Variants in RBSN observed in about 807,000 individuals in gnomAD.
The protein encoded by RBSN is rabenosyn, RAB effector.
In RBSN, 34 loss-of-function variants were observed where a neutral mutation model predicts 60.5. The observed-to-expected ratio is 0.56, with a 90% CI of 0.43 to 0.75. RBSN has a LOEUF of 0.75. RBSN is among the 30% of genes least tolerant of loss of function. The pLI is 0.00. For missense variants in RBSN, 845 were observed against 986.8 expected (o/e 0.86, Z 1.92); for synonymous variants, 322 against 366.9 (o/e 0.88, Z 1.40).
intron 5 of RBSN, among the ~76,000 whole-genome samples, chr3:15,089,602 G>T (rs1439776989): frequency 6.7e-6 from 1 of 150,098 alleles, no homozygotes; most frequent in Non-Finnish European, 1.5e-5. Context: ...TGGTTTTTAG[G>T]ATTTTCTTTT....
At chr3:15,089,478 CA>C (rs796324060) in intron 5 of RBSN, among the ~76,000 whole-genome samples, 4,985 of 78,864 alleles carry the variant, frequency 0.063, 268 homozygotes, top group African/African-American at 0.18. Context: ...AAAAAAAAAA[CA>C]AAAAAAAAAA....
intron 9 of RBSN, chr3:15,081,089 C>G (rs989452695): frequency 6.5e-6 from 2 of 308,244 alleles, no homozygotes; most frequent in Admixed American, 4.6e-5. Context: ...TCTCCACTCA[C>G]TGCAACCTCT....
At position 15,090,456 on chromosome 3, in the gene RBSN, A is replaced by G; in HGVS notation, c.232T>C (p.Tyr78His). 6.2e-7 allele frequency: 1 copy of G among 1,614,220 alleles called. No homozygotes were observed. The highest frequency in any genetic ancestry group is 8.5e-7 in the Non-Finnish European group (1 of 1,180,046). ...DDRAESGTQG[Y>H]ESFSYGGVDP... ...ACCCCTCCATAGCTGAAAGACTCATATCCTTGGGTCCCTGACTCTGCTCGA... is the reference window on the plus strand; with the variant it reads ...ACCCCTCCATAGCTGAAAGACTCATGTCCTTGGGTCCCTGACTCTGCTCGA... The change falls in exon 5 of 14, where the codon TAT becomes CAT. Residue 78 changes from tyrosine (Y) to histidine (H), a missense_variant. Physicochemically the swap from Tyr to His is moderately conservative, Grantham distance 83. Coordinates refer to ENST00000253699, the MANE Select transcript of RBSN (RefSeq NM_022340.4).
intron 6 of RBSN, 99 bp downstream of exon 6, chr3:15,085,762 T>C: frequency 1.0e-6 from 1 of 953,678 alleles, no homozygotes; most frequent in African/African-American, 1.6e-5. Flanking sequence ...CACCATCAGA[T>C]GTATATGATA....
chr3:15,087,010 T>C (rs566723190), intron 5 of RBSN, among the ~76,000 whole-genome samples: 21 of 152,334 alleles, frequency 1.4e-4, no homozygotes, highest in African/African-American at 4.1e-4. Context: ...ACAGAATTTG[T>C]CACATGCCAT....
rs1326312354 is a variant in RBSN, at chr3:15,096,243, G to A, written c.-123C>T. The A allele has an allele frequency of 2.8e-6, 3 of 1,068,662 alleles. No individual in the cohort carries two copies. The highest frequency in any genetic ancestry group is 2.5e-6 in the Non-Finnish European group (2 of 793,638). 66.2% of individuals were successfully genotyped at this position (1,068,662 alleles called of 1,614,324 possible). A position where few individuals can be genotyped will look rare whatever the true frequency, so the allele number is the denominator to read the frequency against. Reference sequence around the variant, plus strand: ...GCAGCACACAGATGGTGAGGAAGTGGCTTCATGGCCCTGGATGAGGTTTCC... The same window carrying A: ...GCAGCACACAGATGGTGAGGAAGTGACTTCATGGCCCTGGATGAGGTTTCC... On this transcript the variant is annotated 5_prime_UTR_variant, in exon 4 of 14. Transcript: ENST00000253699.
At chr3:15,079,920 G>A (rs1199846097) in intron 10 of RBSN, among the ~76,000 whole-genome samples, 1 of 152,122 alleles carries the variant, frequency 6.6e-6, no homozygotes, top group Non-Finnish European at 1.5e-5. Flanking sequence ...TAAAGGTTAG[G>A]GTGTGTGAAC....
chr3:15,095,930 C>T (rs1443472556), intron 4 of RBSN, 43 bp downstream of exon 4: 1 of 1,613,816 alleles, frequency 6.2e-7, no homozygotes, highest in African/African-American at 1.3e-5. Context: ...TGAGTTAAAG[C>T]TCTCAACGAC....
rs1418246417 is a variant in RBSN at position 15,090,504 on chromosome 3, A to G, written c.184T>C (p.Leu62=). The change falls in exon 5 of 14, where the codon TTG becomes CTG. Residue 62 remains leucine (L), a synonymous_variant. Transcript: ENST00000253699. ...VQKAKKAKDR[L]LKREGDDRAE... is the part of the protein sequence containing the mutation. ...CGATCATCCCCTTCTCGTTTCAACA[A>G]CCTGTCCTTTGCTTTTTTAGCCTTC... The G allele has an allele frequency of 6.2e-7, 1 of 1,614,064 alleles. No homozygotes were observed. The highest frequency in any genetic ancestry group is 1.3e-5 in the African/African-American group (1 of 74,946).
chr3:15,077,270 G>A lies in RBSN; in HGVS notation c.999-106C>T, dbSNP rs2043078568. On this transcript the variant is annotated intron_variant, in intron 11 of 13. Transcript: ENST00000253699. The surrounding 1 kb of genome is among the most constrained non-coding windows in gnomAD (Gnocchi z 4.4). ...CCAGGCTTTCATGCCAGGAAGGTGT[G>A]TAAAGATGGACAAGTGACTCCATTG... is the stretch of plus-strand genomic sequence containing the variant. The A allele has an allele frequency of 2.1e-6, 2 of 939,024 alleles. No homozygotes were observed. The highest frequency in any genetic ancestry group is 1.9e-5 in the Admixed American group (1 of 51,722). 58.2% of individuals were successfully genotyped at this position (939,024 alleles called of 1,614,324 possible).
At position 15,070,089 on chromosome 3, in the gene RBSN, ATT is replaced by A. The variant is rs3832216; in HGVS notation, c.*3691_*3692del. Reference sequence around the variant, plus strand: ...ACCCCCAACCTCTATCTCAGATTTTATTTTTTTTAAAAAAGGCTCCAATACAA... The same window carrying A: ...ACCCCCAACCTCTATCTCAGATTTTATTTTTTAAAAAAGGCTCCAATACAA... On this transcript the variant is annotated 3_prime_UTR_variant, in exon 14 of 14. Coordinates refer to ENST00000253699, the MANE Select transcript of RBSN (RefSeq NM_022340.4). The A allele has an allele frequency of 6.6e-6, 1 of 152,358 alleles. No individual in the cohort carries two copies. The highest frequency in any genetic ancestry group is 1.5e-5 in the Non-Finnish European group (1 of 67,970). 9.4% of individuals were successfully genotyped at this position (152,358 alleles called of 1,614,324 possible). A position where few individuals can be genotyped will look rare whatever the true frequency, so the allele number is the denominator to read the frequency against.
intron 5 of RBSN, among the ~76,000 whole-genome samples, chr3:15,089,482 A>AC (rs1559350711): frequency 1.2e-4 from 18 of 146,472 alleles, no homozygotes; most frequent in Admixed American, 3.3e-4. Context: ...AAAAAACAAA[A>AC]AAAAAAAACA....
At chr3:15,090,958 T>C (rs1249204636) in intron 4 of RBSN, among the ~76,000 whole-genome samples, 1 of 152,016 alleles carries the variant, frequency 6.6e-6, no homozygotes, top group Non-Finnish European at 1.5e-5. Flanking sequence ...GCGCAGTGGC[T>C]CACACCTGTA....
chr3:15,085,187 A>G (rs569699765), intron 6 of RBSN, 142 bp from the exon 7 acceptor site: 2 of 991,190 alleles, frequency 2.0e-6, no homozygotes, highest in South Asian at 3.2e-5. Flanking sequence ...AAAATCACAA[A>G]AACAATTTCA....
intron 12 of RBSN, among the ~76,000 whole-genome samples, chr3:15,076,768 T>A (rs1467959824): frequency 6.6e-6 from 1 of 152,220 alleles, no homozygotes; most frequent in African/African-American, 2.4e-5. Context: ...AAGAATGGCA[T>A]ATACAGTCAA....
intron 4 of RBSN, among the ~76,000 whole-genome samples, chr3:15,095,180 A>G (rs968095446): frequency 6.6e-6 from 1 of 151,078 alleles, no homozygotes; most frequent in Non-Finnish European, 1.5e-5. Context: ...ACGCCCGGCT[A>G]GTTGTTTTTT....
At chr3:15,085,754 C>A in intron 6 of RBSN, 107 bp downstream of exon 6, 2 of 892,690 alleles carry the variant, frequency 2.2e-6, no homozygotes, top group Non-Finnish European at 3.6e-6. Flanking sequence ...TTCTCTGCCA[C>A]CATCAGATGT....
At position 15,074,741 on chromosome 3, in the gene RBSN, T is replaced by C; in HGVS notation, c.1396A>G (p.Ile466Val). ...SDPLLQQIHNITSFIRQAKAA... is the reference protein window; with the variant it reads ...SDPLLQQIHNVTSFIRQAKAA... ...TTGGCCTGCCTGATGAATGATGTGA[T>C]GTTGTGGATCTGCTGGAGGAGCGGG... Residue 466 changes from isoleucine to valine, a missense_variant, in exon 14 of 14, where the codon ATC becomes GTC. Transcript: ENST00000253699. This position sits in a 1 kb window ranked among gnomAD's most constrained non-coding sequence, Gnocchi z 6.4. 1 of 1,614,260 alleles carries C rather than the reference T, an allele frequency of 6.2e-7. No individual in the cohort carries two copies. The highest frequency in any genetic ancestry group is 8.5e-7 in the Non-Finnish European group (1 of 1,180,042).
Position 15,074,238 on chromosome 3 carries a change from G to C in RBSN, c.1899C>G (p.Leu633=). ...PSLNPFDEED[L]SSPMEEATTG... is the part of the protein sequence containing the mutation. ...TAGTGGCCTCTTCCATGGGGCTGGAGAGGTCTTCCTCATCAAAGGGGTTTA... is the reference window on the plus strand; with the variant it reads ...TAGTGGCCTCTTCCATGGGGCTGGACAGGTCTTCCTCATCAAAGGGGTTTA... Residue 633 remains leucine (L), a synonymous_variant, in exon 14 of 14, where the codon CTC becomes CTG. Transcript: ENST00000253699. This position sits in a 1 kb window ranked among gnomAD's most constrained non-coding sequence, Gnocchi z 6.4. The C allele has an allele frequency of 6.2e-7, 1 of 1,609,944 alleles. No individual in the cohort carries two copies. The highest frequency in any genetic ancestry group is 1.3e-5 in the African/African-American group (1 of 74,906).
Sources: gnomAD v4.1 joint callset for allele counts (sites outside exome capture counted in the v4.1 genomes callset) on GRCh38, gnomAD v4.1.1 for gene constraint, Gnocchi (gnomAD v3.1) non-coding constraint, MANE v1.5 for transcripts, NCBI Gene and HGNC (gene_info 2026-07-23, HGNC 2026-07-21) for gene names.